RAPGEF4: variants seen among roughly 807,000 people sequenced by gnomAD.
RAPGEF4 encodes Rap guanine nucleotide exchange factor 4.
RAPGEF4 carries 66 observed loss-of-function variants against 147.9 expected under a neutral mutation model. The ratio of observed to expected loss-of-function variants is 0.45; its 90% CI spans 0.37 to 0.55. The LOEUF is 0.55. RAPGEF4 is among the 20% of genes least tolerant of loss of function. The pLI is 0.00. For missense variants in RAPGEF4, 1,071 were observed against 1,257.3 expected (o/e 0.85, Z 2.24); for synonymous variants, 419 against 442.7 (o/e 0.95, Z 0.67).
At chr2:172,809,998 T>A (rs1687876068) in intron 3 of RAPGEF4, among the ~76,000 whole-genome samples, 1 of 152,212 alleles carries the variant, frequency 6.6e-6, no homozygotes, top group South Asian at 2.1e-4. Flanking sequence ...GATTTTGACT[T>A]ATTTGGTATT....
chr2:172,995,892 A>T (rs1482591560), intron 15 of RAPGEF4, among the ~76,000 whole-genome samples: 2 of 152,202 alleles, frequency 1.3e-5, no homozygotes, highest in Non-Finnish European at 2.9e-5. Flanking sequence ...TTCATGATCT[A>T]CTGGGGTTTG....
rs1330625989 is a variant in RAPGEF4 at position 172,925,255 on chromosome 2, G to A, written c.537+2955G>A. Among the ~76,000 whole-genome samples the A allele has an allele frequency of 1.1e-4, 17 of 152,228 alleles. 1 individual carries two copies. In the South Asian group the frequency reaches 1.9e-3, roughly 17 times the overall value. On this transcript the variant is annotated intron_variant, in intron 6 of 30. Coordinates refer to ENST00000397081, the MANE Select transcript of RAPGEF4 (RefSeq NM_007023.4). ...CGGCCTTCCAAAGTGATGAGATTAC[G>A]GGTGTGAGCCACCACACCCAGCCAC...
At chr2:172,820,232 A>G (rs1392046287) in intron 4 of RAPGEF4, among the ~76,000 whole-genome samples, 2 of 152,200 alleles carry the variant, frequency 1.3e-5, no homozygotes, top group Non-Finnish European at 2.9e-5. Context: ...AATCCATGAA[A>G]GATGCTTCTG....
Position 173,014,540 on chromosome 2 carries a change from C to T in RAPGEF4, c.1735C>T (p.Arg579Cys), listed in dbSNP as rs199578267. Residue 579 changes from arginine to cysteine, a missense_variant, in exon 18 of 31, where the codon CGC becomes TGC. Physicochemically the swap from Arg to Cys is radical, Grantham distance 180 (BLOSUM62 -3). Transcript: ENST00000397081. ...YALNNKRRVI[R>C]LVLQWAAMYG... ...CCTCAACAATAAGAGGCGAGTCATCCGCCTGGTTCTACAGTGGGCTGCCAT... is the reference window on the plus strand; with the variant it reads ...CCTCAACAATAAGAGGCGAGTCATCTGCCTGGTTCTACAGTGGGCTGCCAT... 95 of 1,613,988 alleles carry T rather than the reference C, an allele frequency of 5.9e-5. No individual in the cohort carries two copies. Among genetic ancestry groups the T allele is most frequent in the South Asian group, 5.5e-4 (50 of 91,082 alleles).
At chr2:172,779,799 C>A (rs1005371436) in intron 1 of RAPGEF4, among the ~76,000 whole-genome samples, 2 of 152,150 alleles carry the variant, frequency 1.3e-5, no homozygotes, top group Non-Finnish European at 1.5e-5. Flanking sequence ...TGGCTTAGAC[C>A]AGGGCAGGAA....
intron 1 of RAPGEF4, among the ~76,000 whole-genome samples, chr2:172,745,146 C>T (rs1237470963): frequency 6.6e-6 from 1 of 151,970 alleles, no homozygotes; most frequent in African/African-American, 2.4e-5. Context: ...TTTTTTCCCT[C>T]TATTTTTAAA....
chr2:172,822,034 T>C, intron 4 of RAPGEF4: 7 of 1,583,064 alleles, frequency 4.4e-6, no homozygotes, highest in Non-Finnish European at 5.2e-6. Flanking sequence ...AAATACTACA[T>C]GTTACTGTTT....
chr2:172,743,547 A>G (rs899641825), intron 1 of RAPGEF4, among the ~76,000 whole-genome samples: 4 of 152,214 alleles, frequency 2.6e-5, no homozygotes, highest in Non-Finnish European at 5.9e-5. Flanking sequence ...ATATTCCCAC[A>G]TGAATATCCC....
At position 172,961,223 on chromosome 2, in the gene RAPGEF4, A is replaced by T. The variant is rs35955389; in HGVS notation, c.693A>T (p.Thr231=). ...GAGATAGAAAATACCACCTAAAGACATACAGGTATGTGTGCTAATTCTAAA... is the reference window on the plus strand; with the variant it reads ...GAGATAGAAAATACCACCTAAAGACTTACAGGTATGTGTGCTAATTCTAAA... The part of the protein sequence containing the change: ...MIRDRKYHLK[T]YRQCCVGTEL... Residue 231 remains threonine, a synonymous_variant, in exon 8 of 31, where the codon ACA becomes ACT. Transcript: ENST00000397081. The T allele has an allele frequency of 6.3e-7, 1 of 1,583,638 alleles. No individual in the cohort carries two copies. The highest frequency in any genetic ancestry group is 8.7e-7 in the Non-Finnish European group (1 of 1,152,288).
At chr2:172,798,845 G>A (rs1686671751) in intron 3 of RAPGEF4, among the ~76,000 whole-genome samples, 1 of 152,194 alleles carries the variant, frequency 6.6e-6, no homozygotes, top group Admixed American at 6.5e-5. Flanking sequence ...CATTGTAATG[G>A]AGGGTTAAAT....
chr2:172,951,593 T>TA (rs1220037928), intron 6 of RAPGEF4, among the ~76,000 whole-genome samples: 1 of 152,054 alleles, frequency 6.6e-6, no homozygotes, highest in Admixed American at 6.6e-5. Flanking sequence ...AGAGCAGGCC[T>TA]CTCCAAGAAG....
chr2:172,973,928 A>C (rs1349365969), intron 10 of RAPGEF4, among the ~76,000 whole-genome samples: 1 of 152,200 alleles, frequency 6.6e-6, no homozygotes, highest in Non-Finnish European at 1.5e-5. Flanking sequence ...TTACCAGTTT[A>C]TCATTATATC....
chr2:172,913,378 A>T (rs1471058831), intron 4 of RAPGEF4, among the ~76,000 whole-genome samples: 1 of 152,204 alleles, frequency 6.6e-6, no homozygotes, highest in Non-Finnish European at 1.5e-5. Context: ...GCCAACCATC[A>T]CTTCATTATG....
At chr2:173,025,295 A>C (rs766475241) in intron 23 of RAPGEF4, among the ~76,000 whole-genome samples, 1 of 152,216 alleles carries the variant, frequency 6.6e-6, no homozygotes, top group South Asian at 2.1e-4. Flanking sequence ...CCTGCAGAAC[A>C]TGTAATTTCT....
chr2:173,026,510 T>A, intron 23 of RAPGEF4, 62 bp from the exon 24 acceptor site: 1 of 1,535,298 alleles, frequency 6.5e-7, no homozygotes, highest in Non-Finnish European at 8.8e-7. Flanking sequence ...TCCTGAAAGC[T>A]TTTAGTGCTA....
chr2:172,860,523 A>G (rs1014309284), intron 4 of RAPGEF4, among the ~76,000 whole-genome samples: 2 of 151,516 alleles, frequency 1.3e-5, no homozygotes, highest in African/African-American at 4.9e-5. Context: ...AATGGTTGTC[A>G]TAACTGTCTG....
At position 172,785,336 on chromosome 2, in the gene RAPGEF4, A is replaced by G. The variant is rs530501003; in HGVS notation, c.66-9689A>G. Among the ~76,000 whole-genome samples the G allele has an allele frequency of 2.6e-5, 4 of 152,344 alleles. No individual in the cohort carries two copies. In the South Asian group the frequency reaches 6.2e-4, roughly 24 times the overall value. ...CTAAAAGGCATGGAAAAATTTTAGT[A>G]TATGTTTTTAAGCACTTTACTTATT... On this transcript the variant is annotated intron_variant, in intron 1 of 30. Coordinates refer to ENST00000397081, the MANE Select transcript of RAPGEF4 (RefSeq NM_007023.4).
chr2:172,872,717 C>T (rs1337413909), intron 4 of RAPGEF4, among the ~76,000 whole-genome samples: 1 of 152,142 alleles, frequency 6.6e-6, no homozygotes, highest in Non-Finnish European at 1.5e-5. Flanking sequence ...TTCCCCTTCA[C>T]CTTTCTCCTT....
intron 30 of RAPGEF4, 91 bp from the exon 31 acceptor site, chr2:173,051,549 T>C (rs533497856): frequency 7.0e-5 from 97 of 1,389,258 alleles, no homozygotes; most frequent in East Asian, 3.9e-4. Flanking sequence ...CAGGAACCTA[T>C]GATAAATGTA....
Sources: gnomAD v4.1 joint callset for allele counts (sites outside exome capture counted in the v4.1 genomes callset) on GRCh38, gnomAD v4.1.1 for gene constraint, MANE v1.5 for transcripts, NCBI Gene and HGNC (gene_info 2026-07-23, HGNC 2026-07-21) for gene names.